The following DIP2C variants were observed in gnomAD, a reference collection of about 807,000 sequenced individuals.
The protein encoded by DIP2C is DIP2 acetate--CoA ligase C (putative), also known as disco-interacting protein 2 homolog C.
In DIP2C, 33 loss-of-function variants were observed where a neutral mutation model predicts 192.4. The ratio of observed to expected loss-of-function variants is 0.17; its 90% CI spans 0.13 to 0.23. The LOEUF (loss-of-function observed/expected upper bound fraction) is 0.23, where lower values mean the gene tolerates loss of function less well. Among genes scored for constraint, DIP2C ranks in the 10% least tolerant of loss-of-function variants. The pLI is 1.00. For synonymous variants in DIP2C, 979 were observed against 864.1 expected (o/e 1.13, Z -2.33); for missense variants, 1,537 against 2,110.1 (o/e 0.73, Z 5.32).
chr10:355,222 T>C (rs1425953385), intron 24 of DIP2C, among the ~76,000 whole-genome samples: 1 of 152,044 alleles, frequency 6.6e-6, no homozygotes, highest in South Asian at 2.1e-4. Context: ...TGGGAAACAG[T>C]CTTGAGCAGA....
At chr10:494,438 C>CA (rs1398538128) in intron 1 of DIP2C, among the ~76,000 whole-genome samples, 1 of 152,206 alleles carries the variant, frequency 6.6e-6, no homozygotes, top group Non-Finnish European at 1.5e-5. Flanking sequence ...CACACTCCCT[C>CA]ACCCAGAGTC....
intron 1 of DIP2C, chr10:631,069 A>T (rs1205512624): frequency 1.3e-5 from 2 of 152,232 alleles, no homozygotes; most frequent in African/African-American, 4.8e-5. Flanking sequence ...CCTCTGCCCC[A>T]ACCCTGGAAG....
At chr10:481,752 G>T (rs760197320) in intron 2 of DIP2C, among the ~76,000 whole-genome samples, 3 of 152,224 alleles carry the variant, frequency 2.0e-5, no homozygotes, top group Non-Finnish European at 4.4e-5. Context: ...GGTGGCGTCT[G>T]CCCTCAGGGA....
Position 350,632 on chromosome 10 carries a change from ATTTTTTTTTTTTTT to A in DIP2C, c.2986-1192_2986-1179del, listed in dbSNP as rs56171130. 9.5e-5 allele frequency among the ~76,000 whole-genome samples: 8 copies of A among 84,228 alleles called. No individual in the cohort carries two copies. In the East Asian group the frequency reaches 2.1e-3, roughly 22 times the overall value. 55.3% of individuals were successfully genotyped at this position (84,228 alleles called of 152,430 possible). A position where few individuals can be genotyped will look rare whatever the true frequency, so the allele number is the denominator to read the frequency against. On this transcript the variant is annotated intron_variant, in intron 24 of 36. Coordinates refer to ENST00000280886, the MANE Select transcript of DIP2C (RefSeq NM_014974.3). ...AGTGACTGAACACCCGGGCTCAGGA[ATTTTTTTTTTTTTT>A]TTTTTTTTTTTGAGATGGGGTCTCG...
At chr10:598,264 T>C (rs938198626) in intron 1 of DIP2C, among the ~76,000 whole-genome samples, 8 of 150,662 alleles carry the variant, frequency 5.3e-5, no homozygotes, top group Admixed American at 2.0e-4. Flanking sequence ...CCCAGGAAGG[T>C]GAAAGCCGGC....
chr10:610,294 C>T (rs1374110619), intron 1 of DIP2C, among the ~76,000 whole-genome samples: 1 of 152,164 alleles, frequency 6.6e-6, no homozygotes, highest in African/African-American at 2.4e-5. Flanking sequence ...AGGTGGTCAG[C>T]AGGGCCCACT....
At chr10:514,260 C>T (rs1375293541) in intron 1 of DIP2C, among the ~76,000 whole-genome samples, 2 of 151,958 alleles carry the variant, frequency 1.3e-5, no homozygotes, top group East Asian at 1.9e-4. Flanking sequence ...AGTGCATTAT[C>T]GACTCAGTTC....
rs1029152581 is a variant in DIP2C at position 486,495 on chromosome 10, A to T, written c.121T>A (p.Ser41Thr). The T allele has an allele frequency of 3.7e-6, 6 of 1,605,036 alleles. No homozygotes were observed. Among genetic ancestry groups the T allele is most frequent in the African/African-American group, 1.3e-5 (1 of 74,480 alleles). ...ITQKGYEKKR[S>T]KLIGAYLPQP... Reference sequence around the variant, plus strand: ...GGAAGGTAGGCTCCAATTAACTTTGACCTCTTCTTTTCATATCCTTTTTGT... The same window carrying T: ...GGAAGGTAGGCTCCAATTAACTTTGTCCTCTTCTTTTCATATCCTTTTTGT... Residue 41 changes from serine (S) to threonine (T), a missense_variant, in exon 2 of 37, where the codon TCA (serine) becomes ACA (threonine). Coordinates refer to ENST00000280886, the MANE Select transcript of DIP2C (RefSeq NM_014974.3).
chr10:499,182 C>CT (rs1449388361), intron 1 of DIP2C, among the ~76,000 whole-genome samples: 1 of 152,328 alleles, frequency 6.6e-6, no homozygotes, highest in Non-Finnish European at 1.5e-5. Context: ...TGACTGACTC[C>CT]TTGTCAGCAT....
rs1381883236 is a variant in DIP2C at position 662,753 on chromosome 10, CTT to C, written c.85+26739_85+26740del. The C allele has an allele frequency of 1.7e-5, 11 of 631,116 alleles. No individual in the cohort carries two copies. The Admixed American group carries it at 1.8e-4, about 10-fold the overall frequency. 39.1% of individuals were successfully genotyped at this position (631,116 alleles called of 1,614,324 possible). The stretch of plus-strand genomic sequence containing the variant: ...TAATTTTTAAAGGTTTCAAATCTAA[CTT>C]ATCTTATTTCTCTTGTGTTGCCTAT... On this transcript the variant is annotated intron_variant, in intron 1 of 36. Transcript: ENST00000280886.
At chr10:378,103 T>C (rs1961847501) in intron 17 of DIP2C, among the ~76,000 whole-genome samples, 1 of 152,174 alleles carries the variant, frequency 6.6e-6, no homozygotes, top group Non-Finnish European at 1.5e-5. Flanking sequence ...CTTTAAAAAA[T>C]GTCTGATGAG....
intron 32 of DIP2C, among the ~76,000 whole-genome samples, chr10:308,756 T>C (rs1956444497): frequency 6.6e-6 from 1 of 152,184 alleles, no homozygotes; most frequent in Non-Finnish European, 1.5e-5. Flanking sequence ...ATTTTATAAC[T>C]GTGCAGCCAG....
At chr10:444,317 G>A (rs1011393733) in intron 3 of DIP2C, among the ~76,000 whole-genome samples, 2 of 117,254 alleles carry the variant, frequency 1.7e-5, no homozygotes, top group Admixed American at 7.6e-5. Flanking sequence ...TCCGTCACCC[G>A]AGACTCGTGT....
At chr10:639,602 C>T (rs1588654684) in intron 1 of DIP2C, among the ~76,000 whole-genome samples, 1 of 152,236 alleles carries the variant, frequency 6.6e-6, no homozygotes, top group South Asian at 2.1e-4. Flanking sequence ...AGGAAGCTCA[C>T]GTCCAAGGTC....
chr10:639,193 G>A (rs1255185498), intron 1 of DIP2C, among the ~76,000 whole-genome samples: 9 of 144,180 alleles, frequency 6.2e-5, no homozygotes, highest in African/African-American at 2.3e-4. Context: ...ATGTGGACGC[G>A]TCAGGCCATC....
intron 1 of DIP2C, among the ~76,000 whole-genome samples, chr10:604,262 C>T (rs75917926): frequency 0.05 from 7,547 of 152,128 alleles, 562 homozygotes; most frequent in African/African-American, 0.16. Context: ...ATTATAATGA[C>T]GTAAAAATTG....
chr10:656,549 C>T (rs1281317336), intron 1 of DIP2C, among the ~76,000 whole-genome samples: 1 of 152,186 alleles, frequency 6.6e-6, no homozygotes, highest in African/African-American at 2.4e-5. Context: ...ATAATCAATG[C>T]CGTTTCCTAT....
chr10:385,806 C>A (rs930437518), intron 14 of DIP2C, among the ~76,000 whole-genome samples: 1 of 152,032 alleles, frequency 6.6e-6, no homozygotes, highest in Admixed American at 6.6e-5. Context: ...TGGGGGCAGA[C>A]GAGAGGGCAG....
intron 1 of DIP2C, among the ~76,000 whole-genome samples, chr10:603,502 C>T (rs909582465): frequency 6.6e-6 from 1 of 152,040 alleles, no homozygotes; most frequent in South Asian, 2.1e-4. Context: ...GAGCTCTGAA[C>T]AAGTATATCA....
Sources: gnomAD v4.1 joint callset for allele counts (sites outside exome capture counted in the v4.1 genomes callset) on GRCh38, gnomAD v4.1.1 for gene constraint, MANE v1.5 for transcripts, NCBI Gene and HGNC (gene_info 2026-07-23, HGNC 2026-07-21) for gene names.